The following FCHSD2 variants were observed in gnomAD, a reference collection of about 807,000 sequenced individuals.
FCHSD2 encodes F-BAR and double SH3 domains protein 2.
In FCHSD2, 38 loss-of-function variants were observed where a neutral mutation model predicts 108.1. The ratio of observed to expected loss-of-function variants is 0.35; its 90% CI spans 0.27 to 0.46. FCHSD2 has a LOEUF of 0.46. Among genes scored for constraint, FCHSD2 ranks in the 20% least tolerant of loss-of-function variants. The pLI is 1.00. For synonymous variants in FCHSD2, 279 were observed against 314.7 expected (o/e 0.89, Z 1.20); for missense variants, 751 against 897.8 (o/e 0.84, Z 2.09).
chr11:73,027,122 T>C (rs551085906), intron 3 of FCHSD2, among the ~76,000 whole-genome samples: 61 of 151,538 alleles, frequency 4.0e-4, no homozygotes, highest in African/African-American at 1.4e-3. Flanking sequence ...CAGGCAGAGG[T>C]TGGAACAGTT....
intron 8 of FCHSD2, among the ~76,000 whole-genome samples, chr11:72,928,544 C>T (rs143353128): frequency 6.6e-6 from 1 of 152,266 alleles, no homozygotes; most frequent in East Asian, 1.9e-4. Context: ...AGGCAACTGA[C>T]ATTTACTAAC....
intron 3 of FCHSD2, among the ~76,000 whole-genome samples, chr11:73,081,075 A>G (rs1193800461): frequency 6.6e-6 from 1 of 152,216 alleles, no homozygotes; most frequent in African/African-American, 2.4e-5. Context: ...CAGAGGACTC[A>G]CTTTTCATAA....
intron 2 of FCHSD2, among the ~76,000 whole-genome samples, chr11:73,093,602 T>C (rs1860006032): frequency 6.6e-6 from 1 of 151,932 alleles, no homozygotes; most frequent in Admixed American, 6.5e-5. Flanking sequence ...GGGGTATTGA[T>C]GATTTCTTTT....
At chr11:73,042,851 G>A (rs1308455484) in intron 3 of FCHSD2, among the ~76,000 whole-genome samples, 1 of 151,536 alleles carries the variant, frequency 6.6e-6, no homozygotes, top group African/African-American at 2.4e-5. Flanking sequence ...TTCTTTTTCT[G>A]CTAGTTCATT....
At position 72,986,038 on chromosome 11, in the gene FCHSD2, C is replaced by A. The variant is rs559945689; in HGVS notation, c.522-922G>T. Among the ~76,000 whole-genome samples, 62 of 152,212 alleles carry A rather than the reference C, an allele frequency of 4.1e-4. 1 individual carries two copies. The highest frequency in any genetic ancestry group is 1.7e-3 in the Admixed American group (26 of 15,288). ...TGGATGATGGAGCAGTTAGTCTTTG[C>A]AAAGCCAGTGTGAAGAGGATAGGAA... On this transcript the variant is annotated intron_variant, in intron 6 of 19. Coordinates refer to ENST00000409418, the MANE Select transcript of FCHSD2 (RefSeq NM_014824.3).
chr11:72,900,393 A>G, intron 10 of FCHSD2: 2 of 1,025,962 alleles, frequency 1.9e-6, no homozygotes, highest in Non-Finnish European at 3.0e-6. Context: ...AAGGCAAACA[A>G]GGACACAACA....
At chr11:72,926,569 C>A (rs780882604) in intron 8 of FCHSD2, among the ~76,000 whole-genome samples, 16 of 152,118 alleles carry the variant, frequency 1.1e-4, no homozygotes, top group Non-Finnish European at 1.8e-4. Flanking sequence ...CTCTCCAGGG[C>A]CTCCTCTCTG....
chr11:72,895,549 C>T, intron 10 of FCHSD2, among the ~76,000 whole-genome samples: 1 of 152,098 alleles, frequency 6.6e-6, no homozygotes, highest in Admixed American at 6.5e-5. Flanking sequence ...AACTTTCAGG[C>T]TCCTATTGTC....
chr11:72,940,471 C>G (rs1856392579), intron 8 of FCHSD2: 1 of 682,876 alleles, frequency 1.5e-6, no homozygotes, highest in Admixed American at 2.3e-5. Flanking sequence ...TCCTTTCTGT[C>G]TGGCAGTAGC....
chr11:73,115,136 G>A (rs1347006447), intron 2 of FCHSD2, among the ~76,000 whole-genome samples: 2 of 152,222 alleles, frequency 1.3e-5, no homozygotes, highest in African/African-American at 2.4e-5. Flanking sequence ...ACTATGGCTG[G>A]CCTAAATGCT....
At chr11:72,896,633 T>C (rs868367448) in intron 10 of FCHSD2, among the ~76,000 whole-genome samples, 2 of 152,046 alleles carry the variant, frequency 1.3e-5, no homozygotes, top group Non-Finnish European at 2.9e-5. Context: ...AAGGGACTTT[T>C]AGTGATCAAT....
intron 2 of FCHSD2, among the ~76,000 whole-genome samples, chr11:73,102,571 T>C (rs756083870): frequency 6.6e-6 from 1 of 152,248 alleles, no homozygotes; most frequent in African/African-American, 2.4e-5. Flanking sequence ...AAAACTCATG[T>C]TGAAGTTTAA....
intron 3 of FCHSD2, among the ~76,000 whole-genome samples, chr11:73,068,044 G>A (rs796940012): frequency 9.2e-5 from 14 of 152,016 alleles, no homozygotes; most frequent in African/African-American, 3.1e-4. Flanking sequence ...ATCAGATCTC[G>A]TGAGACTTAT....
chr11:73,058,766 C>G (rs1320765221), intron 3 of FCHSD2, among the ~76,000 whole-genome samples: 1 of 151,842 alleles, frequency 6.6e-6, no homozygotes, highest in Non-Finnish European at 1.5e-5. Flanking sequence ...TGGGGTTTTA[C>G]CATGTTGGCC....
At chr11:73,043,950 G>A (rs1025809970) in intron 3 of FCHSD2, among the ~76,000 whole-genome samples, 2 of 152,140 alleles carry the variant, frequency 1.3e-5, no homozygotes, top group East Asian at 1.9e-4. Context: ...CCCTTGGAAG[G>A]CCATTCACCA....
intron 2 of FCHSD2, among the ~76,000 whole-genome samples, chr11:73,138,008 A>G (rs1861163054): frequency 6.6e-6 from 1 of 152,212 alleles, no homozygotes; most frequent in Non-Finnish European, 1.5e-5. Context: ...AAAAGAAGAG[A>G]TGGGAGATGG....
At chr11:72,856,911 G>T (rs984828803) in intron 13 of FCHSD2, among the ~76,000 whole-genome samples, 5 of 152,092 alleles carry the variant, frequency 3.3e-5, no homozygotes, top group Non-Finnish European at 5.9e-5. Context: ...TTCTAGGAAA[G>T]TTTACAGGCA....
chr11:73,132,964 T>A (rs913210001), intron 2 of FCHSD2, among the ~76,000 whole-genome samples: 1 of 152,104 alleles, frequency 6.6e-6, no homozygotes, highest in Non-Finnish European at 1.5e-5. Flanking sequence ...AGTACTTGAA[T>A]AGACATTTCT....
rs897207470 is a variant in FCHSD2 at position 73,102,295 on chromosome 11, T to C, written c.120-18555A>G. Reference sequence around the variant, plus strand: ...TGGGAGGAATGCTAAATAATATAGATAGACTCTGGGGAAATTTTTGGCAGT... The same window carrying C: ...TGGGAGGAATGCTAAATAATATAGACAGACTCTGGGGAAATTTTTGGCAGT... On this transcript the variant is annotated intron_variant, in intron 2 of 19. Coordinates refer to ENST00000409418, the MANE Select transcript of FCHSD2 (RefSeq NM_014824.3). Among the ~76,000 whole-genome samples the C allele has an allele frequency of 5.3e-5, 8 of 152,168 alleles. 1 individual carries two copies. In the East Asian group the frequency reaches 9.6e-4, roughly 18 times the overall value.
Sources: allele counts gnomAD v4.1 joint callset (sites outside exome capture counted in the v4.1 genomes callset), GRCh38; gene constraint gnomAD v4.1.1; transcripts MANE v1.5; gene names NCBI Gene and HGNC (gene_info 2026-07-23, HGNC 2026-07-21).